Variants in ADCK1 observed in about 807,000 individuals in gnomAD.
The protein encoded by ADCK1 is aarF domain-containing protein kinase 1.
A neutral mutation model predicts 52.3 loss-of-function variants in ADCK1; 41 were observed. The observed-to-expected ratio is 0.78, with a 90% confidence interval of 0.61 to 1.02. ADCK1 has a LOEUF of 1.02. ADCK1 is among the 50% of genes least tolerant of loss of function. The pLI, the probability that ADCK1 is intolerant of heterozygous loss-of-function variation, is 0.00. For missense variants in ADCK1, 658 were observed against 679.5 expected (o/e 0.97, Z 0.35); for synonymous variants, 250 against 274.6 (o/e 0.91, Z 0.89).
intron 3 of ADCK1, among the ~76,000 whole-genome samples, chr14:77,833,264 C>G (rs779536806): frequency 2.6e-5 from 4 of 152,216 alleles, no homozygotes; most frequent in Non-Finnish European, 4.4e-5. Context: ...TCTCATTGAG[C>G]TACAGCTCCT....
intron 3 of ADCK1, among the ~76,000 whole-genome samples, chr14:77,833,725 G>T (rs1170940248): frequency 6.6e-6 from 1 of 152,148 alleles, no homozygotes; most frequent in African/African-American, 2.4e-5. Context: ...CCATCAGTGG[G>T]AGTCCTGGGG....
At chr14:77,820,456 G>A (rs1282922805) in intron 2 of ADCK1, among the ~76,000 whole-genome samples, 1 of 151,430 alleles carries the variant, frequency 6.6e-6, no homozygotes, top group Non-Finnish European at 1.5e-5. Flanking sequence ...TCAGATTCTC[G>A]AGTAGCTGGG....
intron 4 of ADCK1, among the ~76,000 whole-genome samples, chr14:77,867,680 C>G (rs1167578670): frequency 6.6e-6 from 1 of 152,200 alleles, no homozygotes; most frequent in Non-Finnish European, 1.5e-5. Flanking sequence ...TGCTGATGCC[C>G]CATCTGGCCC....
chr14:77,932,059 T>C (rs1360113753), intron 10 of ADCK1, among the ~76,000 whole-genome samples: 1 of 152,128 alleles, frequency 6.6e-6, no homozygotes, highest in Non-Finnish European at 1.5e-5. Flanking sequence ...TTATTTATTT[T>C]CTTTTTTGAG....
At chr14:77,878,927 C>A (rs2082957892) in intron 4 of ADCK1, among the ~76,000 whole-genome samples, 1 of 151,928 alleles carries the variant, frequency 6.6e-6, no homozygotes, top group East Asian at 1.9e-4. Context: ...TGTCCCTTCC[C>A]CCCCCACGAA....
At chr14:77,924,082 G>A in intron 7 of ADCK1, 1 of 175,734 alleles carries the variant, frequency 5.7e-6, no homozygotes, top group Non-Finnish European at 1.2e-5. Context: ...CCCATTCTCA[G>A]CTTTGGGGGG....
chr14:77,931,748 C>T (rs768163355), intron 10 of ADCK1, 37 bp downstream of exon 10: 18 of 1,581,914 alleles, frequency 1.1e-5, no homozygotes, highest in Non-Finnish European at 1.3e-5. Context: ...CCCTCCTAGC[C>T]CCCTGGCCTG....
intron 7 of ADCK1, among the ~76,000 whole-genome samples, chr14:77,916,246 C>T (rs1232045744): frequency 6.6e-6 from 1 of 152,036 alleles, no homozygotes; most frequent in Non-Finnish European, 1.5e-5. Context: ...CCCACCTGCT[C>T]TGGTATCTGG....
intron 5 of ADCK1, among the ~76,000 whole-genome samples, chr14:77,897,532 A>G (rs933418009): frequency 6.6e-6 from 1 of 152,190 alleles, no homozygotes. Context: ...CCTGAATGCC[A>G]GATACATCTT....
At chr14:77,883,400 G>C (rs946503850) in intron 4 of ADCK1, among the ~76,000 whole-genome samples, 3 of 150,164 alleles carry the variant, frequency 2.0e-5, no homozygotes, top group Non-Finnish European at 4.4e-5. Flanking sequence ...TGTTTCAGCT[G>C]CATGGGGGGT....
rs530731125 is a variant in ADCK1, at chr14:77,824,056, G to A, written c.219+1538G>A. Among the ~76,000 whole-genome samples, 13 of 152,020 alleles carry A rather than the reference G, an allele frequency of 8.6e-5. No individual in the cohort carries two copies. In the South Asian group the frequency reaches 2.5e-3, roughly 29 times the overall value. Reference sequence around the variant, plus strand: ...TGGAATTACAGGTGCAGGCCACCACGCCTGGCTAATTTTTGTGTTTTTAGT... The same window carrying A: ...TGGAATTACAGGTGCAGGCCACCACACCTGGCTAATTTTTGTGTTTTTAGT... On this transcript the variant is annotated intron_variant, in intron 3 of 10. Coordinates refer to ENST00000238561, the MANE Select transcript of ADCK1 (RefSeq NM_020421.4).
At chr14:77,844,359 A>C (rs2082133644) in intron 3 of ADCK1, among the ~76,000 whole-genome samples, 1 of 152,072 alleles carries the variant, frequency 6.6e-6, no homozygotes, top group South Asian at 2.1e-4. Flanking sequence ...GGGATTACAG[A>C]TGTGAGCCAC....
Position 77,899,016 on chromosome 14 carries a change from T to C in ADCK1, c.583-84T>C, listed in dbSNP as rs2083471570. 4 of 1,570,636 alleles carry C rather than the reference T, an allele frequency of 2.5e-6. No homozygotes were observed. The Admixed American group carries it at 6.9e-5, about 27-fold the overall frequency. ...CCCAGGGGAGCAGTTTCCCTTACTC[T>C]AGGGGAGAACCAGGCAGGAAGGTAG... On this transcript the variant is annotated intron_variant, in intron 5 of 10. Coordinates refer to ENST00000238561, the MANE Select transcript of ADCK1 (RefSeq NM_020421.4).
intron 6 of ADCK1, among the ~76,000 whole-genome samples, chr14:77,906,784 T>TA (rs1270710452): frequency 1.1e-4 from 16 of 152,274 alleles, no homozygotes; most frequent in Middle Eastern, 6.8e-3. Context: ...ACTATGCAAA[T>TA]ACCCCCTTTT....
intron 5 of ADCK1, among the ~76,000 whole-genome samples, chr14:77,889,784 G>A (rs188054530): frequency 4.0e-5 from 6 of 151,666 alleles, no homozygotes; most frequent in African/African-American, 1.4e-4. Flanking sequence ...CTGTTGGTCT[G>A]GAATCCAGGC....
At chr14:77,886,962 C>T (rs2083167884) in intron 4 of ADCK1, 129 bp from the exon 5 acceptor site, 2 of 1,020,440 alleles carry the variant, frequency 2.0e-6, no homozygotes, top group East Asian at 5.4e-5. Context: ...CACACACACT[C>T]TCTCTCTCTT....
intron 7 of ADCK1, chr14:77,908,232 A>G: frequency 5.0e-6 from 1 of 201,302 alleles, no homozygotes. Context: ...GTGGGACTTA[A>G]TCCTTTTGGC....
intron 7 of ADCK1, among the ~76,000 whole-genome samples, chr14:77,919,134 A>T (rs1216645363): frequency 6.6e-6 from 1 of 151,986 alleles, no homozygotes; most frequent in Non-Finnish European, 1.5e-5. Flanking sequence ...GCTCACTGCA[A>T]CCTCCATCTC....
In ADCK1 at chr14:77,905,304, G is replaced by GTTTTTT. The variant is rs58057378; in HGVS notation, c.742-2484_742-2479dup. 6.7e-3 allele frequency among the ~76,000 whole-genome samples: 643 copies of GTTTTTT among 96,216 alleles called. 37 individuals are homozygous for GTTTTTT. The highest frequency in any genetic ancestry group is 7.6e-3 in the Non-Finnish European group (382 of 50,586). 63.1% of individuals were successfully genotyped at this position (96,216 alleles called of 152,430 possible). On this transcript the variant is annotated intron_variant, in intron 6 of 10. Coordinates refer to ENST00000238561, the MANE Select transcript of ADCK1 (RefSeq NM_020421.4). ...TCCACCTGTGACTCTTTCCTAGCTGGTTTTTTTTTTTTTTTTTTTTGAGAT... is the reference window on the plus strand; with the variant it reads ...TCCACCTGTGACTCTTTCCTAGCTGGTTTTTTTTTTTTTTTTTTTTTTTTTTGAGAT...
Sources: gnomAD v4.1 joint callset for allele counts (sites outside exome capture counted in the v4.1 genomes callset) on GRCh38, gnomAD v4.1.1 for gene constraint, MANE v1.5 for transcripts, NCBI Gene and HGNC (gene_info 2026-07-23, HGNC 2026-07-21) for gene names.